Variants in LRRC4C observed in about 807,000 individuals in gnomAD.
The protein encoded by LRRC4C is leucine rich repeat containing 4C, also known as leucine-rich repeat-containing protein 4C.
LRRC4C carries 5 observed loss-of-function variants against 33.6 expected under a neutral mutation model. That is an observed-to-expected ratio of 0.15 (90% CI 0.08 to 0.31). The LOEUF (loss-of-function observed/expected upper bound fraction) is 0.31, where lower values mean the gene tolerates loss of function less well. LRRC4C is among the 10% of genes least tolerant of loss of function. The pLI is 1.00. For missense variants in LRRC4C, 560 were observed against 796.7 expected (o/e 0.70, Z 3.58); for synonymous variants, 329 against 302.0 (o/e 1.09, Z -0.93).
chr11:40,435,566 A>G (rs1000457608), intron 3 of LRRC4C, among the ~76,000 whole-genome samples: 5 of 152,158 alleles, frequency 3.3e-5, no homozygotes, highest in Non-Finnish European at 5.9e-5. Context: ...TGGAAGAGCA[A>G]TGGTGAGGAC....
intron 5 of LRRC4C, among the ~76,000 whole-genome samples, chr11:40,187,995 A>G (rs571369078): frequency 3.2e-4 from 49 of 152,260 alleles, no homozygotes; most frequent in African/African-American, 1.1e-3. Context: ...ATATTAATTT[A>G]AGGGAATTAT....
intron 3 of LRRC4C, among the ~76,000 whole-genome samples, chr11:40,604,523 C>A (rs146463099): frequency 6.6e-6 from 1 of 151,876 alleles, no homozygotes; most frequent in Non-Finnish European, 1.5e-5. Context: ...CATAATATAG[C>A]GGAAAGGGTA....
At chr11:40,756,329 A>G (rs117786949) in intron 2 of LRRC4C, among the ~76,000 whole-genome samples, 1 of 152,248 alleles carries the variant, frequency 6.6e-6, no homozygotes, top group Non-Finnish European at 1.5e-5. Context: ...GCACTCTTAA[A>G]GTATTCTTTT....
In LRRC4C at chr11:40,848,540, T is replaced by C. The variant is rs529077574; in HGVS notation, c.-407+85095A>G. On this transcript the variant is annotated intron_variant, in intron 2 of 6. Coordinates refer to ENST00000528697, the MANE Select transcript of LRRC4C (RefSeq NM_001258419.2). The stretch of plus-strand genomic sequence containing the variant: ...TTTATGATTTCCATTCTTTTGCATT[T>C]GCTGAGGAGTGTTTTACTTCCAATT... Among the ~76,000 whole-genome samples, 239 of 152,290 alleles carry C rather than the reference T, an allele frequency of 1.6e-3. 2 individuals are homozygous for C. Among genetic ancestry groups the C allele is most frequent in the African/African-American group, 5.6e-3 (231 of 41,572 alleles).
chr11:40,271,036 A>G (rs1047162181), intron 4 of LRRC4C, among the ~76,000 whole-genome samples: 18 of 152,204 alleles, frequency 1.2e-4, no homozygotes, highest in Non-Finnish European at 2.2e-4. Flanking sequence ...GCAAACCTTC[A>G]ATTTGAGCAG....
At chr11:40,785,464 A>G (rs1950375574) in intron 2 of LRRC4C, among the ~76,000 whole-genome samples, 1 of 152,194 alleles carries the variant, frequency 6.6e-6, no homozygotes, top group African/African-American at 2.4e-5. Flanking sequence ...CTAAAATGGC[A>G]TCTCTTGGTT....
At chr11:40,659,559 C>T (rs138029055) in intron 2 of LRRC4C, among the ~76,000 whole-genome samples, 6 of 152,260 alleles carry the variant, frequency 3.9e-5, no homozygotes, top group Non-Finnish European at 8.8e-5. Context: ...CATAAAAACC[C>T]CAGACTCAGC....
intron 4 of LRRC4C, among the ~76,000 whole-genome samples, chr11:40,264,885 C>T (rs1211257700): frequency 1.3e-5 from 2 of 152,156 alleles, no homozygotes; most frequent in African/African-American, 2.4e-5. Flanking sequence ...TCATCCATTT[C>T]TACATACATG....
At chr11:41,423,293 G>C (rs1954933393) in intron 1 of LRRC4C, among the ~76,000 whole-genome samples, 1 of 152,138 alleles carries the variant, frequency 6.6e-6, no homozygotes, top group South Asian at 2.1e-4. Context: ...GTAATTCAGA[G>C]AGGTAGTTAG....
In LRRC4C at chr11:40,251,685, T is replaced by A. The variant is rs368641065; in HGVS notation, c.-175-10087A>T. Among the ~76,000 whole-genome samples, 5 of 152,300 alleles carry A rather than the reference T, an allele frequency of 3.3e-5. No homozygotes were observed. The South Asian group carries it at 1.0e-3, about 32-fold the overall frequency. On this transcript the variant is annotated intron_variant, in intron 4 of 6. Coordinates refer to ENST00000528697, the MANE Select transcript of LRRC4C (RefSeq NM_001258419.2). ...AGCACCTTCACCTAGAAGTAAAGGA[T>A]CTTCTCTCTGATTACAGCTGAAAGA...
At chr11:41,270,539 C>G (rs979221043) in intron 1 of LRRC4C, among the ~76,000 whole-genome samples, 10 of 152,030 alleles carry the variant, frequency 6.6e-5, no homozygotes, top group Non-Finnish European at 1.3e-4. Context: ...GGGTCTGCCT[C>G]TTAGGTGCCT....
chr11:40,662,296 G>A (rs1470555388), intron 2 of LRRC4C, among the ~76,000 whole-genome samples: 16 of 152,034 alleles, frequency 1.1e-4, no homozygotes. Context: ...GTCCAGCTTT[G>A]TATAAGAGAC....
intron 3 of LRRC4C, among the ~76,000 whole-genome samples, chr11:40,620,601 T>C (rs1962357336): frequency 1.3e-5 from 2 of 151,872 alleles, no homozygotes; most frequent in African/African-American, 2.4e-5. Context: ...AAGCTACAAA[T>C]AAAATGATGA....
At chr11:40,509,935 G>A (rs192243221) in intron 3 of LRRC4C, among the ~76,000 whole-genome samples, 1 of 152,052 alleles carries the variant, frequency 6.6e-6, no homozygotes, top group Non-Finnish European at 1.5e-5. Flanking sequence ...CCATGGCAGC[G>A]GAGGGAGGCA....
At chr11:41,292,599 G>A (rs1950022838) in intron 1 of LRRC4C, among the ~76,000 whole-genome samples, 3 of 151,808 alleles carry the variant, frequency 2.0e-5, no homozygotes, top group South Asian at 4.2e-4. Flanking sequence ...CAATACTCTT[G>A]TATTAGAGAC....
At chr11:40,129,153 G>A (rs1425999108) in intron 6 of LRRC4C, among the ~76,000 whole-genome samples, 2 of 152,052 alleles carry the variant, frequency 1.3e-5, no homozygotes, top group Admixed American at 6.6e-5. Context: ...ATTAAGTCAA[G>A]GCTGTAAACG....
chr11:41,355,476 T>C (rs1053981096), intron 1 of LRRC4C, among the ~76,000 whole-genome samples: 1 of 152,126 alleles, frequency 6.6e-6, no homozygotes, highest in Non-Finnish European at 1.5e-5. Flanking sequence ...AAAGTGATTA[T>C]AATATATGTT....
chr11:40,483,581 G>A (rs959939638), intron 3 of LRRC4C, among the ~76,000 whole-genome samples: 1 of 151,982 alleles, frequency 6.6e-6, no homozygotes, highest in African/African-American at 2.4e-5. Context: ...GACTGAAATA[G>A]TTGGTGACTG....
chr11:40,980,239 T>C (rs921495205), intron 1 of LRRC4C, among the ~76,000 whole-genome samples: 6 of 152,202 alleles, frequency 3.9e-5, no homozygotes, highest in African/African-American at 1.4e-4. Flanking sequence ...AAAAGGGGAC[T>C]TTTAATGGAA....
Sources: gnomAD v4.1 joint callset for allele counts (sites outside exome capture counted in the v4.1 genomes callset) on GRCh38, gnomAD v4.1.1 for gene constraint, MANE v1.5 for transcripts, NCBI Gene and HGNC (gene_info 2026-07-23, HGNC 2026-07-21) for gene names.